Variants in XYLT1 observed in about 807,000 individuals in gnomAD.
XYLT1 encodes xylosyltransferase 1.
Under a neutral mutation model 91.3 loss-of-function variants are expected in XYLT1, and 36 were observed. The ratio of observed to expected loss-of-function variants is 0.39; its 90% CI spans 0.30 to 0.52. The LOEUF (loss-of-function observed/expected upper bound fraction) is 0.52. XYLT1 is among the 20% of genes least tolerant of loss of function. XYLT1 has a pLI of 0.68. For synonymous variants in XYLT1, 588 were observed against 532.0 expected (o/e 1.11, Z -1.45); for missense variants, 1,242 against 1,284.5 (o/e 0.97, Z 0.51).
intron 6 of XYLT1, among the ~76,000 whole-genome samples, chr16:17,148,975 G>A (rs1426561204): frequency 1.3e-5 from 2 of 152,236 alleles, no homozygotes; most frequent in Non-Finnish European, 1.5e-5. Flanking sequence ...TGAGGAAGGG[G>A]CAGCTCACCT....
chr16:17,184,189 T>TTTTC (rs2032131028), intron 5 of XYLT1, among the ~76,000 whole-genome samples: 1 of 122,652 alleles, frequency 8.2e-6, no homozygotes, highest in East Asian at 2.0e-4. Context: ...AGACGGCTTT[T>TTTTC]TTTTTTTTTT....
intron 1 of XYLT1, among the ~76,000 whole-genome samples, chr16:17,450,528 G>A (rs976845690): frequency 1.3e-5 from 2 of 152,154 alleles, no homozygotes; most frequent in Admixed American, 1.3e-4. Flanking sequence ...GAAGAGACAT[G>A]TGCAATCAGG....
chr16:17,209,599 T>C (rs2141597764), intron 3 of XYLT1, among the ~76,000 whole-genome samples: 1 of 152,330 alleles, frequency 6.6e-6, no homozygotes, highest in African/African-American at 2.4e-5. Flanking sequence ...AACTCAGCTA[T>C]TCCACAGAAG....
intron 1 of XYLT1, among the ~76,000 whole-genome samples, chr16:17,383,242 C>T (rs2035703517): frequency 6.6e-6 from 1 of 151,878 alleles, no homozygotes; most frequent in African/African-American, 2.4e-5. Context: ...TTGCACGGCC[C>T]ATTCTCTCTG....
intron 5 of XYLT1, among the ~76,000 whole-genome samples, chr16:17,180,065 G>C (rs955805791): frequency 1.1e-4 from 16 of 152,342 alleles, no homozygotes; most frequent in Middle Eastern, 3.4e-3. Flanking sequence ...CATCTCACCA[G>C]ATGGCTGAGA....
At chr16:17,206,672 G>T (rs566131735) in intron 3 of XYLT1, among the ~76,000 whole-genome samples, 48 of 152,286 alleles carry the variant, frequency 3.2e-4, no homozygotes, top group African/African-American at 1.1e-3. Flanking sequence ...GGAGTTCGAG[G>T]CTGCAGTGAG....
At chr16:17,134,439 C>G in intron 9 of XYLT1, 34 bp downstream of exon 9, 1 of 1,608,912 alleles carries the variant, frequency 6.2e-7, no homozygotes, top group East Asian at 2.2e-5. Flanking sequence ...TCCTGCTTCT[C>G]AGCTCTCCTC....
At chr16:17,131,560 C>G (rs896481214) in intron 9 of XYLT1, among the ~76,000 whole-genome samples, 1 of 152,096 alleles carries the variant, frequency 6.6e-6, no homozygotes, top group Non-Finnish European at 1.5e-5. Context: ...GTGCCTGCCC[C>G]GGAGGGCATT....
intron 5 of XYLT1, among the ~76,000 whole-genome samples, chr16:17,159,812 A>G (rs990173352): frequency 3.3e-5 from 5 of 152,244 alleles, no homozygotes; most frequent in African/African-American, 1.2e-4. Context: ...TTGCGCATAC[A>G]GCTGTGACAG....
At chr16:17,307,601 C>A (rs529207760) in intron 2 of XYLT1, among the ~76,000 whole-genome samples, 1 of 152,302 alleles carries the variant, frequency 6.6e-6, no homozygotes, top group Non-Finnish European at 1.5e-5. Flanking sequence ...CAGTAACATC[C>A]TGGTACAAGG....
intron 2 of XYLT1, among the ~76,000 whole-genome samples, chr16:17,263,088 C>T (rs1322593996): frequency 6.6e-6 from 1 of 152,130 alleles, no homozygotes; most frequent in Non-Finnish European, 1.5e-5. Flanking sequence ...TGGACATCTT[C>T]GTTTTCTCTC....
chr16:17,345,431 A>AG (rs2141850795), intron 2 of XYLT1, among the ~76,000 whole-genome samples: 1 of 152,348 alleles, frequency 6.6e-6, no homozygotes, highest in South Asian at 2.1e-4. Context: ...TCTGTGGCAC[A>AG]GGGATGCAGG....
chr16:17,453,867 T>C (rs371387620), intron 1 of XYLT1, among the ~76,000 whole-genome samples: 1 of 152,110 alleles, frequency 6.6e-6, no homozygotes, highest in Non-Finnish European at 1.5e-5. Flanking sequence ...ATGGCTTTGG[T>C]ATAAGAAATT....
intron 1 of XYLT1, among the ~76,000 whole-genome samples, chr16:17,429,913 G>T (rs149467736): frequency 1.3e-3 from 191 of 151,210 alleles, no homozygotes; most frequent in African/African-American, 3.3e-3. Context: ...CATAATCATG[G>T]GAGCCAATTC....
intron 3 of XYLT1, among the ~76,000 whole-genome samples, chr16:17,238,708 G>A (rs79385228): frequency 0.059 from 9,001 of 152,292 alleles, 350 homozygotes; most frequent in Non-Finnish European, 0.083. Flanking sequence ...TTAAACTTCA[G>A]CTATCCCTTC....
At chr16:17,163,964 G>A (rs1417862386) in intron 5 of XYLT1, among the ~76,000 whole-genome samples, 1 of 145,398 alleles carries the variant, frequency 6.9e-6, no homozygotes, top group African/African-American at 2.6e-5. Flanking sequence ...CTTGAACCCA[G>A]GAGGTGGAGG....
intron 1 of XYLT1, among the ~76,000 whole-genome samples, chr16:17,387,749 G>T (rs193157263): frequency 6.6e-6 from 1 of 152,072 alleles, no homozygotes; most frequent in African/African-American, 2.4e-5. Flanking sequence ...CCTCAGAGCA[G>T]CTCCAGTCTT....
intron 10 of XYLT1, among the ~76,000 whole-genome samples, chr16:17,124,669 G>A (rs777645748): frequency 6.6e-6 from 1 of 152,220 alleles, no homozygotes; most frequent in Non-Finnish European, 1.5e-5. Context: ...GGCTGGGGAA[G>A]TTTTCCTCAA....
chr16:17,124,212 T>C (rs1194271884), intron 10 of XYLT1, among the ~76,000 whole-genome samples: 1 of 152,260 alleles, frequency 6.6e-6, no homozygotes, highest in African/African-American at 2.4e-5. Context: ...TGTGTTGTTT[T>C]GCAGGACCTG....
Sources: gnomAD v4.1 joint callset for allele counts (sites outside exome capture counted in the v4.1 genomes callset) on GRCh38, gnomAD v4.1.1 for gene constraint, MANE v1.5 for transcripts, NCBI Gene and HGNC (gene_info 2026-07-23, HGNC 2026-07-21) for gene names.